Variants in IMMP2L observed in about 807,000 individuals in gnomAD.
The protein encoded by IMMP2L is inner mitochondrial membrane peptidase subunit 2, also known as mitochondrial inner membrane protease subunit 2.
Under a neutral mutation model 19.3 loss-of-function variants are expected in IMMP2L, and 18 were observed. The ratio of observed to expected loss-of-function variants is 0.93; its 90% CI spans 0.64 to 1.38. The LOEUF (loss-of-function observed/expected upper bound fraction) is 1.38, where lower values mean the gene tolerates loss of function less well. Ranked by LOEUF, IMMP2L falls within the 40% of genes most tolerant of loss-of-function variation. The probability of loss-of-function intolerance (pLI) is 0.00; values close to 1 mark genes in which losing one functional copy is unlikely to be tolerated. For missense variants in IMMP2L, 233 were observed against 218.2 expected (o/e 1.07, Z -0.43); for synonymous variants, 76 against 73.0 (o/e 1.04, Z -0.21).
At chr7:111,442,280 C>T (rs1837821981) in intron 3 of IMMP2L, among the ~76,000 whole-genome samples, 1 of 151,830 alleles carries the variant, frequency 6.6e-6, no homozygotes, top group South Asian at 2.1e-4. Flanking sequence ...TCACAATAGT[C>T]TCAGTGTAAC....
intron 4 of IMMP2L, among the ~76,000 whole-genome samples, chr7:110,894,961 A>G (rs1811176119): frequency 6.6e-6 from 1 of 152,142 alleles, no homozygotes. Flanking sequence ...TACCATTGGC[A>G]ACTTTGTTAA....
At chr7:111,396,086 G>C (rs1347321842) in intron 3 of IMMP2L, among the ~76,000 whole-genome samples, 1 of 152,084 alleles carries the variant, frequency 6.6e-6, no homozygotes, top group Non-Finnish European at 1.5e-5. Flanking sequence ...ATTCCTCAAG[G>C]ATCTAGAACT....
chr7:110,846,971 C>T (rs1055415876), intron 5 of IMMP2L, among the ~76,000 whole-genome samples: 1 of 152,172 alleles, frequency 6.6e-6, no homozygotes, highest in Admixed American at 6.5e-5. Flanking sequence ...CCTCAAACTA[C>T]TGTCTAGAAC....
intron 3 of IMMP2L, among the ~76,000 whole-genome samples, chr7:110,999,515 T>C (rs1034034844): frequency 1.3e-5 from 2 of 151,836 alleles, no homozygotes; most frequent in Non-Finnish European, 2.9e-5. Context: ...TAGTACTCTC[T>C]AGCTCACTAA....
chr7:111,474,692 C>G (rs1172950574), intron 3 of IMMP2L, among the ~76,000 whole-genome samples: 2 of 152,026 alleles, frequency 1.3e-5, no homozygotes, highest in Admixed American at 1.3e-4. Flanking sequence ...TGATTTATTA[C>G]AAACCTTTTT....
At chr7:110,850,621 C>T (rs1806113525) in intron 5 of IMMP2L, among the ~76,000 whole-genome samples, 1 of 151,858 alleles carries the variant, frequency 6.6e-6, no homozygotes, top group Non-Finnish European at 1.5e-5. Context: ...CCCTCCTGGG[C>T]TAAGCCCCAA....
At chr7:111,292,950 G>A (rs1821265020) in intron 3 of IMMP2L, among the ~76,000 whole-genome samples, 1 of 151,986 alleles carries the variant, frequency 6.6e-6, no homozygotes, top group South Asian at 2.1e-4. Context: ...TTCCTCTATA[G>A]AATGAAACTC....
intron 3 of IMMP2L, among the ~76,000 whole-genome samples, chr7:111,200,372 C>T (rs1280805721): frequency 2.0e-5 from 3 of 152,024 alleles, no homozygotes; most frequent in African/African-American, 7.2e-5. Context: ...CTCTTTATTA[C>T]ATCTAGTGGA....
rs147571783 is a variant in IMMP2L, at chr7:111,031,407, T to TGTGTAA, written c.240-67843_240-67842insTTACAC. Among the ~76,000 whole-genome samples, 596 of 147,198 alleles carry TGTGTAA rather than the reference T, an allele frequency of 4.0e-3. 7 individuals are homozygous for TGTGTAA. The highest frequency in any genetic ancestry group is 0.014 in the Middle Eastern group (4 of 288). ...GTGTGTGTGTGTGTGTGTGTGTGTGTGAGAGAAAGAGAAATCCTATATTGA... is the reference window on the plus strand; with the variant it reads ...GTGTGTGTGTGTGTGTGTGTGTGTGTGTGTAAGAGAGAAAGAGAAATCCTATATTGA... On this transcript the variant is annotated intron_variant, in intron 3 of 5. Transcript: ENST00000405709.
chr7:111,431,494 T>G (rs79054258), intron 3 of IMMP2L, among the ~76,000 whole-genome samples: 1,559 of 151,960 alleles, frequency 0.01, 22 homozygotes, highest in Middle Eastern at 0.02. Flanking sequence ...AGCCAAAAAA[T>G]ATGCATGTGC....
chr7:111,044,705 A>C (rs1337682415), intron 3 of IMMP2L, among the ~76,000 whole-genome samples: 1 of 152,208 alleles, frequency 6.6e-6, no homozygotes, highest in Non-Finnish European at 1.5e-5. Flanking sequence ...CACAACACTA[A>C]CGCAAAAATG....
chr7:111,390,264 C>G (rs994917400), intron 3 of IMMP2L, among the ~76,000 whole-genome samples: 1 of 152,164 alleles, frequency 6.6e-6, no homozygotes. Flanking sequence ...GAGGGCCCCA[C>G]TGGCTTGTCT....
intron 5 of IMMP2L, among the ~76,000 whole-genome samples, chr7:110,874,882 C>A (rs927557712): frequency 6.6e-6 from 1 of 151,950 alleles, no homozygotes; most frequent in Non-Finnish European, 1.5e-5. Flanking sequence ...CAAGATGGCA[C>A]CTTGAATACT....
At chr7:110,726,226 C>A (rs1795874530) in intron 5 of IMMP2L, among the ~76,000 whole-genome samples, 1 of 152,220 alleles carries the variant, frequency 6.6e-6, no homozygotes, top group Non-Finnish European at 1.5e-5. Flanking sequence ...ATTGTGCTAT[C>A]TTCAAACACT....
chr7:111,209,396 CAA>C (rs368679362), intron 3 of IMMP2L, among the ~76,000 whole-genome samples: 2 of 88,562 alleles, frequency 2.3e-5, no homozygotes, highest in African/African-American at 9.8e-5. Context: ...GACTCCTTCT[CAA>C]AAAAAAAAAA....
chr7:111,134,821 T>A (rs1338468234), intron 3 of IMMP2L, among the ~76,000 whole-genome samples: 2 of 152,058 alleles, frequency 1.3e-5, no homozygotes, highest in Non-Finnish European at 2.9e-5. Flanking sequence ...CATACCTGAA[T>A]ATACTCTAAA....
chr7:110,971,472 C>G (rs1188258265), intron 3 of IMMP2L, among the ~76,000 whole-genome samples: 3 of 152,034 alleles, frequency 2.0e-5, no homozygotes, highest in Admixed American at 1.3e-4. Context: ...GGCCAACATG[C>G]CATCCCATGG....
rs1177766677 is a variant in IMMP2L, at chr7:110,758,632, A to C, written c.409-94911T>G. Reference sequence around the variant, plus strand: ...CAATATTGACTTTCAGTCTTCCTACAGTACAATCTTCCAATACTTTGTGAG... The same window carrying C: ...CAATATTGACTTTCAGTCTTCCTACCGTACAATCTTCCAATACTTTGTGAG... On this transcript the variant is annotated intron_variant, in intron 5 of 5. Transcript: ENST00000405709. The surrounding 1 kb of genome is among the most constrained non-coding windows in gnomAD (Gnocchi z 4.6). Among the ~76,000 whole-genome samples, 1 of 152,082 alleles carries C rather than the reference A, an allele frequency of 6.6e-6. No individual in the cohort carries two copies. Among genetic ancestry groups the C allele is most frequent in the Non-Finnish European group, 1.5e-5 (1 of 67,976 alleles).
At chr7:111,095,985 C>A (rs1054827921) in intron 3 of IMMP2L, among the ~76,000 whole-genome samples, 1 of 151,910 alleles carries the variant, frequency 6.6e-6, no homozygotes. Flanking sequence ...ATATCACAAT[C>A]CTATTCTTTT....
Sources: gnomAD v4.1 joint callset for allele counts (sites outside exome capture counted in the v4.1 genomes callset) on GRCh38, gnomAD v4.1.1 for gene constraint, Gnocchi (gnomAD v3.1) non-coding constraint, MANE v1.5 for transcripts, NCBI Gene and HGNC (gene_info 2026-07-23, HGNC 2026-07-21) for gene names.